PDE1A: variants seen among roughly 807,000 people sequenced by gnomAD.
The protein encoded by PDE1A is phosphodiesterase 1A, also known as dual specificity calcium/calmodulin-dependent 3',5'-cyclic nucleotide phosphodiesterase 1A.
PDE1A carries 35 observed loss-of-function variants against 61.7 expected under a neutral mutation model. That is an observed-to-expected ratio of 0.57 (90% CI 0.43 to 0.75). PDE1A has a LOEUF of 0.75. Among genes scored for constraint, PDE1A ranks in the 30% least tolerant of loss-of-function variants. PDE1A has a pLI of 0.00. For missense variants in PDE1A, 597 were observed against 630.6 expected (o/e 0.95, Z 0.57); for synonymous variants, 232 against 213.2 (o/e 1.09, Z -0.77).
intron 10 of PDE1A, among the ~76,000 whole-genome samples, chr2:182,199,547 TA>T (rs760594983): frequency 3.3e-5 from 5 of 152,106 alleles, no homozygotes; most frequent in African/African-American, 4.8e-5. Flanking sequence ...AATTTCTTCT[TA>T]ACCTGAAAAA....
chr2:182,158,572 A>G (rs1282924178), intron 13 of PDE1A, among the ~76,000 whole-genome samples: 1 of 152,214 alleles, frequency 6.6e-6, no homozygotes, highest in African/African-American at 2.4e-5. Flanking sequence ...TCCCATGTCC[A>G]GAGTGATGAG....
At chr2:182,447,500 T>C (rs1685222034) in intron 2 of PDE1A, among the ~76,000 whole-genome samples, 2 of 152,122 alleles carry the variant, frequency 1.3e-5, no homozygotes, top group Admixed American at 1.3e-4. Flanking sequence ...AGAAACAGGC[T>C]GTAGACCACC....
intron 6 of PDE1A, among the ~76,000 whole-genome samples, chr2:182,227,667 C>T (rs1024534395): frequency 3.3e-5 from 5 of 152,020 alleles, no homozygotes; most frequent in African/African-American, 1.2e-4. Context: ...GTATTATTAA[C>T]TGCATTTTAG....
At chr2:182,217,495 G>A (rs1688297813) in intron 7 of PDE1A, among the ~76,000 whole-genome samples, 1 of 137,248 alleles carries the variant, frequency 7.3e-6, no homozygotes, top group African/African-American at 2.7e-5. Flanking sequence ...TACAAAATGG[G>A]AGAAAATTTT....
At chr2:182,623,110 A>G in the PDE1A span, among the ~76,000 whole-genome samples, 9 of 152,186 alleles carry the variant, frequency 5.9e-5, no homozygotes, top group African/African-American at 2.2e-4. Context: ...ATCTATGTGC[A>G]TAAGTTGACA....
At chr2:182,552,514 G>A in the PDE1A span, among the ~76,000 whole-genome samples, 3 of 142,790 alleles carry the variant, frequency 2.1e-5, no homozygotes, top group East Asian at 2.1e-4. Flanking sequence ...GCGTGATCTC[G>A]GCTCACTGCA....
chr2:182,302,542 T>C lies in PDE1A; in HGVS notation c.54-38128A>G, dbSNP rs1316466244. On this transcript the variant is annotated intron_variant, in intron 1 of 13. Transcript: ENST00000351439. ...GAGCCTTTCAGCAAGTTGTAATCTT[T>C]TTGCTGGTAAAGGGTTCTGCCTCTG... is the stretch of plus-strand genomic sequence containing the variant. Among the ~76,000 whole-genome samples, 8 of 152,224 alleles carry C rather than the reference T, an allele frequency of 5.3e-5. No individual in the cohort carries two copies. The South Asian group carries it at 1.7e-3, about 32-fold the overall frequency.
chr2:182,534,535 T>G, the PDE1A span, among the ~76,000 whole-genome samples: 2 of 152,040 alleles, frequency 1.3e-5, no homozygotes, highest in South Asian at 4.1e-4. Context: ...CCAAAAGGTC[T>G]TTAAATTTAT....
chr2:182,385,961 C>T (rs976970362), intron 1 of PDE1A, among the ~76,000 whole-genome samples: 3 of 152,168 alleles, frequency 2.0e-5, no homozygotes, highest in African/African-American at 7.2e-5. Context: ...ACCTCCCTGC[C>T]TGATTCTTCT....
chr2:182,241,901 A>C, intron 2 of PDE1A: 1 of 1,537,214 alleles, frequency 6.5e-7, no homozygotes, highest in Non-Finnish European at 8.7e-7. Context: ...TAGTTTGTTT[A>C]TCTTTTTGCC....
At chr2:182,323,769 T>C (rs1032276301) in intron 1 of PDE1A, among the ~76,000 whole-genome samples, 1 of 152,058 alleles carries the variant, frequency 6.6e-6, no homozygotes, top group African/African-American at 2.4e-5. Flanking sequence ...TCTCACGAAC[T>C]CTGAGGCACC....
At chr2:182,305,724 T>C (rs1003763509) in intron 1 of PDE1A, among the ~76,000 whole-genome samples, 2 of 152,224 alleles carry the variant, frequency 1.3e-5, no homozygotes, top group South Asian at 4.1e-4. Context: ...TTTTATTATC[T>C]TAAAAGTAGA....
chr2:182,364,493 A>AC (rs1366893683), intron 1 of PDE1A, among the ~76,000 whole-genome samples: 6 of 144,790 alleles, frequency 4.1e-5, no homozygotes, highest in Non-Finnish European at 3.0e-5. Context: ...AAAAAAAAAA[A>AC]AAAAAACCTT....
intron 1 of PDE1A, among the ~76,000 whole-genome samples, chr2:182,269,211 A>C (rs1376808282): frequency 6.6e-6 from 1 of 152,142 alleles, no homozygotes; most frequent in Non-Finnish European, 1.5e-5. Context: ...TTGCATAAGA[A>C]AACTCCTGGC....
intron 1 of PDE1A, among the ~76,000 whole-genome samples, chr2:182,370,364 G>T (rs1700065231): frequency 1.3e-5 from 2 of 152,140 alleles, no homozygotes; most frequent in Non-Finnish European, 1.5e-5. Context: ...CAGACAGTTT[G>T]CTGAGTGTTA....
chr2:182,282,324 G>A (rs1427859163), intron 1 of PDE1A, among the ~76,000 whole-genome samples: 1 of 151,906 alleles, frequency 6.6e-6, no homozygotes, highest in Non-Finnish European at 1.5e-5. Context: ...TTACATACAA[G>A]CCTCCTTACA....
chr2:182,635,101 G>C, the PDE1A span, among the ~76,000 whole-genome samples: 1 of 148,816 alleles, frequency 6.7e-6, no homozygotes, highest in Non-Finnish European at 1.5e-5. Context: ...AGGGGAATTG[G>C]GTACATAGCC....
the PDE1A span, among the ~76,000 whole-genome samples, chr2:182,539,013 G>A: frequency 1.3e-5 from 2 of 152,122 alleles, no homozygotes; most frequent in Non-Finnish European, 2.9e-5. Flanking sequence ...TCATTTGCAA[G>A]ATCTTGAAGG....
chr2:182,326,165 G>T (rs531469032), intron 1 of PDE1A, among the ~76,000 whole-genome samples: 1 of 152,268 alleles, frequency 6.6e-6, no homozygotes, highest in African/African-American at 2.4e-5. Context: ...AAGATGCAGA[G>T]AAATTGGAAC....
Sources: allele counts gnomAD v4.1 joint callset (sites outside exome capture counted in the v4.1 genomes callset), GRCh38; gene constraint gnomAD v4.1.1; transcripts MANE v1.5; gene names NCBI Gene and HGNC (gene_info 2026-07-23, HGNC 2026-07-21).